The following HPSE2 variants were observed in gnomAD, a reference collection of about 807,000 sequenced individuals.
HPSE2 encodes inactive heparanase-2.
A neutral mutation model predicts 60.5 loss-of-function variants in HPSE2; 38 were observed. The ratio of observed to expected loss-of-function variants is 0.63; its 90% CI spans 0.48 to 0.82. HPSE2 has a LOEUF of 0.82. Ranked by LOEUF, HPSE2 falls within the 40% of genes least tolerant of loss-of-function variation. The pLI is 0.00. For synonymous variants in HPSE2, 295 were observed against 293.2 expected, an observed-to-expected ratio of 1.01 and a Z score of -0.06; for missense variants, 713 against 740.4, an observed-to-expected ratio of 0.96 and a Z score of 0.43.
chr10:99,271,033 C>T, the HPSE2 span, among the ~76,000 whole-genome samples: 17 of 152,084 alleles, frequency 1.1e-4, no homozygotes, highest in African/African-American at 3.6e-4. Flanking sequence ...AACATAATAC[C>T]GAATGGGGAA....
intron 6 of HPSE2, among the ~76,000 whole-genome samples, chr10:98,660,750 G>A (rs11189739): frequency 0.5 from 76,314 of 151,904 alleles, 19,522 homozygotes; most frequent in East Asian, 0.67. Context: ...GTAGAACCAG[G>A]GACCTTGCAA....
At chr10:99,191,330 G>C (rs1442769115) in intron 2 of HPSE2, among the ~76,000 whole-genome samples, 1 of 151,746 alleles carries the variant, frequency 6.6e-6, no homozygotes, top group African/African-American at 2.4e-5. Flanking sequence ...CTGGTTTCAG[G>C]TCTGACTCAG....
intron 3 of HPSE2, among the ~76,000 whole-genome samples, chr10:98,785,564 A>T (rs1293064128): frequency 4.5e-5 from 5 of 110,314 alleles, no homozygotes; most frequent in Non-Finnish European, 9.1e-5. Flanking sequence ...CTGTGAATCC[A>T]TCTGGTCCTG....
intron 3 of HPSE2, among the ~76,000 whole-genome samples, chr10:98,780,641 C>T (rs1167662467): frequency 6.6e-6 from 1 of 151,820 alleles, no homozygotes; most frequent in Non-Finnish European, 1.5e-5. Flanking sequence ...ACCATAGCCA[C>T]AAAATAGGCT....
chr10:99,074,419 T>C (rs903916887), intron 3 of HPSE2, among the ~76,000 whole-genome samples: 1 of 152,292 alleles, frequency 6.6e-6, no homozygotes. Context: ...CTAATCATGG[T>C]GTATTTTCCT....
chr10:98,614,242 A>T (rs1945836893), intron 9 of HPSE2, among the ~76,000 whole-genome samples: 1 of 152,044 alleles, frequency 6.6e-6, no homozygotes, highest in Non-Finnish European at 1.5e-5. Flanking sequence ...TCTCAAGCAG[A>T]GTTCAAACAG....
intron 10 of HPSE2, among the ~76,000 whole-genome samples, chr10:98,485,207 T>G (rs1414532966): frequency 1.3e-5 from 2 of 152,176 alleles, no homozygotes; most frequent in African/African-American, 2.4e-5. Flanking sequence ...GATTAGGGAC[T>G]GGGAATCTAT....
rs1490355964 is a variant in HPSE2 at position 98,937,461 on chromosome 10, C to T, written c.611-193405G>A. 7.6e-5 allele frequency among the ~76,000 whole-genome samples: 11 copies of T among 144,434 alleles called. 1 individual carries two copies. In the South Asian group the frequency reaches 1.9e-3, roughly 25 times the overall value. 94.8% of individuals were successfully genotyped at this position (144,434 alleles called of 152,430 possible). ...CCCGCACATGGCTTGGAGGGTCCTA[C>T]GCCCACGGAGTCTCGCTGATTGCTA... On this transcript the variant is annotated intron_variant, in intron 3 of 11. Coordinates refer to ENST00000370552, the MANE Select transcript of HPSE2 (RefSeq NM_021828.5).
intron 11 of HPSE2, among the ~76,000 whole-genome samples, chr10:98,461,067 G>C (rs764781582): frequency 3.7e-4 from 56 of 152,260 alleles, no homozygotes; most frequent in South Asian, 1.9e-3. Flanking sequence ...CATCATCTGA[G>C]CTGTAAAGAG....
chr10:98,723,135 T>A (rs932694216), intron 4 of HPSE2, among the ~76,000 whole-genome samples: 1 of 152,172 alleles, frequency 6.6e-6, no homozygotes, highest in Non-Finnish European at 1.5e-5. Context: ...TTGAGATATG[T>A]CCCATCAATA....
At chr10:99,308,740 C>G in the HPSE2 span, among the ~76,000 whole-genome samples, 1 of 152,078 alleles carries the variant, frequency 6.6e-6, no homozygotes, top group Non-Finnish European at 1.5e-5. Flanking sequence ...TTACAAAATA[C>G]AGTAATTCTT....
chr10:98,986,982 G>A (rs1397201291), intron 3 of HPSE2, among the ~76,000 whole-genome samples: 5 of 152,030 alleles, frequency 3.3e-5, no homozygotes, highest in African/African-American at 4.8e-5. Flanking sequence ...AGCAGGCTCC[G>A]AAATCGAGGC....
At chr10:98,511,483 T>C (rs1942393832) in intron 9 of HPSE2, among the ~76,000 whole-genome samples, 2 of 152,058 alleles carry the variant, frequency 1.3e-5, no homozygotes, top group African/African-American at 4.8e-5. Flanking sequence ...AATTAAAATA[T>C]ATTTTTTACC....
chr10:99,076,248 T>C (rs1382458048), intron 3 of HPSE2, among the ~76,000 whole-genome samples: 1 of 152,154 alleles, frequency 6.6e-6, no homozygotes, highest in African/African-American at 2.4e-5. Context: ...GGAGCTTACA[T>C]AAAATATCTT....
intron 9 of HPSE2, among the ~76,000 whole-genome samples, chr10:98,538,658 T>G (rs1244007939): frequency 6.6e-6 from 1 of 152,078 alleles, no homozygotes; most frequent in African/African-American, 2.4e-5. Flanking sequence ...TGCCTGGGAA[T>G]TGGATTTTTT....
chr10:98,674,624 G>A (rs534480931), intron 6 of HPSE2, among the ~76,000 whole-genome samples: 7 of 152,270 alleles, frequency 4.6e-5, no homozygotes, highest in Non-Finnish European at 1.0e-4. Context: ...AATATATAGA[G>A]AAGAAAATAG....
At chr10:98,627,025 A>G (rs1253718633) in intron 7 of HPSE2, among the ~76,000 whole-genome samples, 4 of 152,118 alleles carry the variant, frequency 2.6e-5, no homozygotes, top group Non-Finnish European at 5.9e-5. Context: ...CGCCCACCTC[A>G]GCCTCTCAAA....
intron 3 of HPSE2, among the ~76,000 whole-genome samples, chr10:98,789,429 C>T (rs1014595636): frequency 2.0e-5 from 3 of 152,072 alleles, no homozygotes; most frequent in African/African-American, 4.8e-5. Context: ...TATTAAGGAT[C>T]GACAACTTTG....
intron 3 of HPSE2, among the ~76,000 whole-genome samples, chr10:98,765,120 G>C (rs941140761): frequency 7.9e-5 from 12 of 152,084 alleles, no homozygotes; most frequent in African/African-American, 2.9e-4. Flanking sequence ...GTAATCAATA[G>C]AACAAGTAGA....
Sources: gnomAD v4.1 joint callset for allele counts (sites outside exome capture counted in the v4.1 genomes callset) on GRCh38, gnomAD v4.1.1 for gene constraint, MANE v1.5 for transcripts, NCBI Gene and HGNC (gene_info 2026-07-23, HGNC 2026-07-21) for gene names.